The following CDC42SE2 variants were observed in gnomAD, a reference collection of about 807,000 sequenced individuals.
CDC42SE2 encodes CDC42 small effector protein 2.
Under a neutral mutation model 11.5 loss-of-function variants are expected in CDC42SE2, and 3 were observed. The ratio of observed to expected loss-of-function variants is 0.26; its 90% CI spans 0.12 to 0.67. The LOEUF is 0.67. CDC42SE2 is among the 30% of genes least tolerant of loss of function. The pLI is 0.80. For missense variants in CDC42SE2, 82 were observed against 106.8 expected, an observed-to-expected ratio of 0.77 and a Z score of 1.02; for synonymous variants, 33 against 34.8, an observed-to-expected ratio of 0.95 and a Z score of 0.18.
chr5:131,358,649 G>A (rs1203178308), intron 2 of CDC42SE2, among the ~76,000 whole-genome samples: 1 of 152,030 alleles, frequency 6.6e-6, no homozygotes, highest in Non-Finnish European at 1.5e-5. Flanking sequence ...GGAGTGGTAG[G>A]GATCTAATAG....
intron 2 of CDC42SE2, among the ~76,000 whole-genome samples, chr5:131,321,372 T>C (rs1349094100): frequency 6.6e-6 from 1 of 152,162 alleles, no homozygotes; most frequent in Non-Finnish European, 1.5e-5. Flanking sequence ...TAAAAGTTAC[T>C]GATATTAGCT....
At chr5:131,364,069 T>C (rs1749787224) in intron 3 of CDC42SE2, among the ~76,000 whole-genome samples, 1 of 152,204 alleles carries the variant, frequency 6.6e-6, no homozygotes, top group African/African-American at 2.4e-5. Context: ...ATTTCTACAA[T>C]GAGCCAGGTA....
intron 1 of CDC42SE2, among the ~76,000 whole-genome samples, chr5:131,288,016 G>C (rs1157814455): frequency 6.6e-6 from 1 of 152,130 alleles, no homozygotes; most frequent in Non-Finnish European, 1.5e-5. Flanking sequence ...AACGGAGGCA[G>C]GTGGATCGCA....
At chr5:131,323,546 GGTTTTTTT>G in intron 2 of CDC42SE2, among the ~76,000 whole-genome samples, 1 of 96,636 alleles carries the variant, frequency 1.0e-5, no homozygotes, top group African/African-American at 4.6e-5. Context: ...CTCTCTCTCT[GGTTTTTTT>G]TTTTTTTTTT....
intron 2 of CDC42SE2, among the ~76,000 whole-genome samples, chr5:131,326,261 C>T (rs1409005570): frequency 2.0e-5 from 3 of 152,048 alleles, no homozygotes; most frequent in Non-Finnish European, 2.9e-5. Context: ...CCTGCCACTG[C>T]GCCTGCTAAT....
At chr5:131,389,291 G>C (rs1750580895) in intron 4 of CDC42SE2, among the ~76,000 whole-genome samples, 1 of 152,122 alleles carries the variant, frequency 6.6e-6, no homozygotes, top group Non-Finnish European at 1.5e-5. Context: ...CATATGACAG[G>C]CCCTAGCCTC....
At chr5:131,304,985 C>G (rs1040764602) in intron 1 of CDC42SE2, among the ~76,000 whole-genome samples, 2 of 152,096 alleles carry the variant, frequency 1.3e-5, no homozygotes, top group African/African-American at 4.8e-5. Context: ...AAATATACCC[C>G]AAAAGTTTCT....
intron 2 of CDC42SE2, among the ~76,000 whole-genome samples, chr5:131,334,956 C>G (rs1358917673): frequency 6.6e-6 from 1 of 152,112 alleles, no homozygotes; most frequent in Non-Finnish European, 1.5e-5. Context: ...TTTTTTGTGT[C>G]TTTGTTTCCT....
intron 3 of CDC42SE2, among the ~76,000 whole-genome samples, chr5:131,368,280 T>A (rs965184684): frequency 2.6e-5 from 4 of 151,290 alleles, no homozygotes; most frequent in African/African-American, 9.7e-5. Flanking sequence ...AAAAGAAGTC[T>A]TTCCCCTCCC....
chr5:131,262,773 T>G (rs1756758534), upstream of CDC42SE2, among the ~76,000 whole-genome samples: 1 of 152,196 alleles, frequency 6.6e-6, no homozygotes, highest in Non-Finnish European at 1.5e-5. Context: ...ATTGTATTGG[T>G]TTTTATTTGT....
intron 1 of CDC42SE2, among the ~76,000 whole-genome samples, chr5:131,272,253 T>C (rs1757009100): frequency 6.6e-6 from 1 of 151,972 alleles, no homozygotes. Context: ...ACTCCTGACC[T>C]CAAGTGATCC....
chr5:131,319,368 G>A (rs1437195219), intron 2 of CDC42SE2, among the ~76,000 whole-genome samples: 1 of 152,098 alleles, frequency 6.6e-6, no homozygotes, highest in East Asian at 1.9e-4. Context: ...GTAGTTTGGA[G>A]TATAGTTTCT....
intron 1 of CDC42SE2, among the ~76,000 whole-genome samples, chr5:131,247,609 A>G (rs1756606965): frequency 6.6e-6 from 1 of 151,728 alleles, no homozygotes; most frequent in African/African-American, 2.4e-5. Flanking sequence ...ACGCAGCAAG[A>G]CTCCGTCTCA....
chr5:131,262,031 A>T (rs1381316285), upstream of CDC42SE2, among the ~76,000 whole-genome samples: 1 of 152,082 alleles, frequency 6.6e-6, no homozygotes, highest in African/African-American at 2.4e-5. Flanking sequence ...CTGAAAATAA[A>T]TGTTTACATA....
chr5:131,273,139 T>C (rs1331709634), intron 1 of CDC42SE2, among the ~76,000 whole-genome samples: 3 of 148,506 alleles, frequency 2.0e-5, no homozygotes, highest in Non-Finnish European at 4.4e-5. Context: ...CATATATATA[T>C]ATTTTACATT....
At position 131,344,623 on chromosome 5, in the gene CDC42SE2, TC is replaced by T. The variant is rs201578607; in HGVS notation, c.-285-14583del. On this transcript the variant is annotated intron_variant, in intron 2 of 4. Transcript: ENST00000505065. ...GCAGAAACTTCTGCACACTTAAACG[TC>T]CCTGTCTGACAGCTCTGAAGAGAGT... Among the ~76,000 whole-genome samples the T allele has an allele frequency of 8.9e-3, 1,348 of 152,272 alleles. 24 individuals carry two copies. The highest frequency in any genetic ancestry group is 0.031 in the African/African-American group (1,280 of 41,552).
chr5:131,224,376 C>A, the CDC42SE2 span, among the ~76,000 whole-genome samples: 1 of 152,184 alleles, frequency 6.6e-6, no homozygotes, highest in Non-Finnish European at 1.5e-5. Context: ...CTGCAGCCTT[C>A]ATGGTAACTG....
intron 2 of CDC42SE2, among the ~76,000 whole-genome samples, chr5:131,327,110 A>T (rs1242557985): frequency 6.6e-6 from 1 of 152,174 alleles, no homozygotes; most frequent in African/African-American, 2.4e-5. Flanking sequence ...TTTAATTTTC[A>T]TCCCTTTCCC....
At chr5:131,241,638 C>T (rs1187245330), upstream of CDC42SE2, among the ~76,000 whole-genome samples, 1 of 152,028 alleles carries the variant, frequency 6.6e-6, no homozygotes, top group African/African-American at 2.4e-5. Flanking sequence ...CCTTTGCCTA[C>T]ACCCCTTGAT....
Sources: allele counts gnomAD v4.1 joint callset (sites outside exome capture counted in the v4.1 genomes callset), GRCh38; gene constraint gnomAD v4.1.1; transcripts MANE v1.5; gene names NCBI Gene and HGNC (gene_info 2026-07-23, HGNC 2026-07-21).